The following GRM8 variants were observed in gnomAD, a reference collection of about 807,000 sequenced individuals.
GRM8 encodes the protein glutamate metabotropic receptor 8, also known as metabotropic glutamate receptor 8.
A neutral mutation model predicts 87.2 loss-of-function variants in GRM8; 47 were observed. That is an observed-to-expected ratio of 0.54 (90% CI 0.43 to 0.69). The LOEUF is 0.69. Among genes scored for constraint, GRM8 ranks in the 30% least tolerant of loss-of-function variants. The pLI is 0.00. For synonymous variants in GRM8, 396 were observed against 404.5 expected, an observed-to-expected ratio of 0.98 and a Z score of 0.25; for missense variants, 1,019 against 1,139.2, an observed-to-expected ratio of 0.89 and a Z score of 1.52.
At chr7:127,153,417 G>C (rs1016693008) in intron 2 of GRM8, among the ~76,000 whole-genome samples, 1 of 152,132 alleles carries the variant, frequency 6.6e-6, no homozygotes, top group African/African-American at 2.4e-5. Context: ...ACCTTGATAG[G>C]AGGGACACAT....
chr7:126,986,799 C>A (rs1471436961), intron 3 of GRM8, among the ~76,000 whole-genome samples: 2 of 152,158 alleles, frequency 1.3e-5, no homozygotes, highest in African/African-American at 4.8e-5. Context: ...ATATCAAAGA[C>A]AACAGGAAAA....
chr7:126,733,108 G>A (rs1813795127), intron 7 of GRM8, among the ~76,000 whole-genome samples: 1 of 151,960 alleles, frequency 6.6e-6, no homozygotes, highest in Admixed American at 6.6e-5. Context: ...GAAGCCAAAT[G>A]ACTGGGCACC....
intron 2 of GRM8, among the ~76,000 whole-genome samples, chr7:127,148,718 C>T (rs1401121986): frequency 6.6e-6 from 1 of 151,954 alleles, no homozygotes; most frequent in Non-Finnish European, 1.5e-5. Flanking sequence ...TAACATGCTC[C>T]TAAACAACCA....
At chr7:127,138,089 A>G (rs1828041235) in intron 2 of GRM8, among the ~76,000 whole-genome samples, 1 of 152,130 alleles carries the variant, frequency 6.6e-6, no homozygotes, top group South Asian at 2.1e-4. Flanking sequence ...TACAAGCAGC[A>G]CCTGCAATTC....
intron 8 of GRM8, among the ~76,000 whole-genome samples, chr7:126,603,587 C>T (rs1482261488): frequency 6.6e-6 from 1 of 151,942 alleles, no homozygotes; most frequent in Non-Finnish European, 1.5e-5. Context: ...TCTTATACAC[C>T]AACAACAGAC....
chr7:126,799,149 A>T (rs927210654), intron 6 of GRM8, among the ~76,000 whole-genome samples: 1 of 152,096 alleles, frequency 6.6e-6, no homozygotes, highest in African/African-American at 2.4e-5. Context: ...CAGCATCAAC[A>T]TCATCTGGGA....
At chr7:127,104,233 A>G (rs1179394031) in intron 3 of GRM8, among the ~76,000 whole-genome samples, 1 of 152,220 alleles carries the variant, frequency 6.6e-6, no homozygotes, top group African/African-American at 2.4e-5. Flanking sequence ...AAAAAATTGA[A>G]TGTATACATC....
intron 3 of GRM8, among the ~76,000 whole-genome samples, chr7:126,919,321 T>C (rs1222800699): frequency 6.6e-6 from 1 of 152,194 alleles, no homozygotes; most frequent in East Asian, 1.9e-4. Flanking sequence ...TCTATGAATA[T>C]ACCACATAGC....
chr7:126,968,501 C>T (rs570153306), intron 3 of GRM8, among the ~76,000 whole-genome samples: 4 of 152,236 alleles, frequency 2.6e-5, no homozygotes, highest in African/African-American at 9.6e-5. Flanking sequence ...CAATCCTAAG[C>T]ATTAAATGGT....
intron 6 of GRM8, among the ~76,000 whole-genome samples, chr7:126,884,305 G>A (rs1176617289): frequency 6.6e-6 from 1 of 151,770 alleles, no homozygotes; most frequent in Non-Finnish European, 1.5e-5. Flanking sequence ...AAATCACGGG[G>A]GAAAAATGAG....
chr7:126,544,052 G>GAT (rs2150904457), intron 8 of GRM8, among the ~76,000 whole-genome samples: 1 of 152,254 alleles, frequency 6.6e-6, no homozygotes, highest in Non-Finnish European at 1.5e-5. Context: ...CAGACAGGTA[G>GAT]ATATGTTCCT....
chr7:126,557,810 G>T (rs945011429), intron 8 of GRM8, among the ~76,000 whole-genome samples: 5 of 152,056 alleles, frequency 3.3e-5, no homozygotes, highest in Admixed American at 1.3e-4. Context: ...GACAAAGTAT[G>T]TGTATATGTA....
At chr7:127,149,999 A>G (rs1423785285) in intron 2 of GRM8, among the ~76,000 whole-genome samples, 1 of 152,080 alleles carries the variant, frequency 6.6e-6, no homozygotes, top group Non-Finnish European at 1.5e-5. Flanking sequence ...TGTACTCTAT[A>G]TGAGATTCAT....
chr7:126,718,807 T>C (rs1812054952), intron 7 of GRM8, among the ~76,000 whole-genome samples: 1 of 152,246 alleles, frequency 6.6e-6, no homozygotes, highest in Non-Finnish European at 1.5e-5. Context: ...ACCATGATTA[T>C]GAACTCCTTA....
intron 2 of GRM8, among the ~76,000 whole-genome samples, chr7:127,199,517 C>T (rs1460107040): frequency 6.6e-6 from 1 of 152,198 alleles, no homozygotes; most frequent in East Asian, 1.9e-4. Context: ...AGAGATGGCA[C>T]ATGATAAAAG....
At chr7:127,024,850 A>C (rs942093829) in intron 3 of GRM8, among the ~76,000 whole-genome samples, 33 of 151,688 alleles carry the variant, frequency 2.2e-4, no homozygotes, top group Non-Finnish European at 4.3e-4. Context: ...ACCCCACCAC[A>C]CCCTACCTAG....
At chr7:126,799,165 T>A (rs1057204336) in intron 6 of GRM8, among the ~76,000 whole-genome samples, 1 of 152,076 alleles carries the variant, frequency 6.6e-6, no homozygotes, top group African/African-American at 2.4e-5. Context: ...TGGGAAAAGA[T>A]AGAAATGCAG....
At chr7:127,190,082 C>T (rs1449405016) in intron 2 of GRM8, among the ~76,000 whole-genome samples, 1 of 152,208 alleles carries the variant, frequency 6.6e-6, no homozygotes, top group Non-Finnish European at 1.5e-5. Context: ...TGGCAGTTAG[C>T]TGATATCAGC....
At chr7:126,477,139 A>G (rs1469649939) in intron 9 of GRM8, among the ~76,000 whole-genome samples, 2 of 152,190 alleles carry the variant, frequency 1.3e-5, no homozygotes, top group Non-Finnish European at 2.9e-5. Flanking sequence ...TAAGGCAGAC[A>G]TAGAAAAACA....
Sources: allele counts gnomAD v4.1 joint callset (sites outside exome capture counted in the v4.1 genomes callset), GRCh38; gene constraint gnomAD v4.1.1; transcripts MANE v1.5; gene names NCBI Gene and HGNC (gene_info 2026-07-23, HGNC 2026-07-21).